Variants in GMDS observed in about 807,000 individuals in gnomAD.
GMDS encodes GDP-mannose 4,6-dehydratase.
In GMDS, 20 loss-of-function variants were observed where a neutral mutation model predicts 49.9. That is an observed-to-expected ratio of 0.40 (90% confidence interval 0.28 to 0.58). The LOEUF is 0.58. Among genes scored for constraint, GMDS ranks in the 20% least tolerant of loss-of-function variants. GMDS has a pLI of 0.42. For synonymous variants in GMDS, 177 were observed against 178.6 expected, an observed-to-expected ratio of 0.99 and a Z score of 0.07; for missense variants, 362 against 481.4, an observed-to-expected ratio of 0.75 and a Z score of 2.32.
intron 4 of GMDS, among the ~76,000 whole-genome samples, chr6:1,981,236 A>G (rs999994280): frequency 6.9e-6 from 1 of 145,122 alleles, no homozygotes; most frequent in African/African-American, 2.5e-5. Context: ...ACCTGCAAAA[A>G]AAAAAAATTC....
chr6:2,100,328 A>C (rs1773849632), intron 4 of GMDS, among the ~76,000 whole-genome samples: 1 of 152,074 alleles, frequency 6.6e-6, no homozygotes, highest in Non-Finnish European at 1.5e-5. Flanking sequence ...TTAACCCTAT[A>C]GTTATCTTTT....
At chr6:2,106,835 C>T (rs778289346) in intron 4 of GMDS, among the ~76,000 whole-genome samples, 9 of 149,866 alleles carry the variant, frequency 6.0e-5, no homozygotes, top group Non-Finnish European at 7.4e-5. Flanking sequence ...TGCACTCCAG[C>T]CTGGGCGACA....
At chr6:2,043,872 A>C (rs562291449) in intron 4 of GMDS, among the ~76,000 whole-genome samples, 10 of 152,158 alleles carry the variant, frequency 6.6e-5, no homozygotes, top group African/African-American at 2.2e-4. Context: ...GCAGAAAAAA[A>C]AACAACAACA....
chr6:2,026,446 T>C (rs563571631), intron 4 of GMDS, among the ~76,000 whole-genome samples: 23 of 152,302 alleles, frequency 1.5e-4, no homozygotes, highest in Admixed American at 9.8e-4. Context: ...ATCTTTGCAA[T>C]TTACACGAGA....
At position 2,087,995 on chromosome 6, in the gene GMDS, T is replaced by A. The variant is rs77170071; in HGVS notation, c.345+27776A>T. Reference sequence around the variant, plus strand: ...AAGGGCTGAAAGAGAAGCTTTTGACTTAACAATTAATTCAGCATTTACTTA... The same window carrying A: ...AAGGGCTGAAAGAGAAGCTTTTGACATAACAATTAATTCAGCATTTACTTA... On this transcript the variant is annotated intron_variant, in intron 4 of 10. Transcript: ENST00000380815. Among the ~76,000 whole-genome samples, 1,249 of 152,290 alleles carry A rather than the reference T, an allele frequency of 8.2e-3. 19 individuals are homozygous for A. Among genetic ancestry groups the A allele is most frequent in the African/African-American group, 0.029 (1,189 of 41,562 alleles).
intron 7 of GMDS, among the ~76,000 whole-genome samples, chr6:1,831,021 A>G (rs1290800369): frequency 1.3e-5 from 2 of 152,244 alleles, no homozygotes; most frequent in African/African-American, 4.8e-5. Flanking sequence ...CTTGTTTGCT[A>G]TATTTGGCCA....
At chr6:1,909,667 C>T (rs912752336) in intron 7 of GMDS, among the ~76,000 whole-genome samples, 3 of 152,164 alleles carry the variant, frequency 2.0e-5, no homozygotes, top group African/African-American at 7.2e-5. Context: ...TGAAGACTCT[C>T]CCTCTGGGGA....
At chr6:2,059,487 T>C (rs888874408) in intron 4 of GMDS, among the ~76,000 whole-genome samples, 13 of 150,100 alleles carry the variant, frequency 8.7e-5, no homozygotes, top group Admixed American at 6.0e-4. Context: ...GGCGGGTGGA[T>C]CACGAGGTCA....
chr6:1,760,119 C>T (rs560047589), intron 7 of GMDS, among the ~76,000 whole-genome samples: 5 of 152,184 alleles, frequency 3.3e-5, no homozygotes, highest in Admixed American at 2.0e-4. Flanking sequence ...AGGGAGCCCA[C>T]GAGGAGGGAG....
chr6:2,243,849 T>C (rs1400447082), intron 1 of GMDS, among the ~76,000 whole-genome samples: 4 of 97,076 alleles, frequency 4.1e-5, no homozygotes, highest in African/African-American at 2.1e-4. Context: ...CCTTCTTTTT[T>C]TTTTTTTTTT....
At chr6:2,099,617 A>G (rs1241511428) in intron 4 of GMDS, among the ~76,000 whole-genome samples, 3 of 152,090 alleles carry the variant, frequency 2.0e-5, no homozygotes. Context: ...TTTTCTCTAG[A>G]TAAGATATCC....
intron 7 of GMDS, among the ~76,000 whole-genome samples, chr6:1,915,462 G>A (rs1761330642): frequency 2.6e-5 from 4 of 152,226 alleles, no homozygotes; most frequent in Non-Finnish European, 4.4e-5. Context: ...GGGCCGGCAC[G>A]GTGCAGGGCC....
intron 7 of GMDS, among the ~76,000 whole-genome samples, chr6:1,781,329 G>A (rs1348668820): frequency 6.6e-6 from 1 of 152,190 alleles, no homozygotes; most frequent in Non-Finnish European, 1.5e-5. Flanking sequence ...GCTGCTGGTG[G>A]TCCTTGCCCA....
chr6:2,041,957 T>A (rs891117492), intron 4 of GMDS, among the ~76,000 whole-genome samples: 1 of 152,184 alleles, frequency 6.6e-6, no homozygotes, highest in African/African-American at 2.4e-5. Flanking sequence ...CCTATGCACA[T>A]GGACTGTGTA....
At chr6:2,133,398 T>C (rs1384076903) in intron 1 of GMDS, among the ~76,000 whole-genome samples, 2 of 152,222 alleles carry the variant, frequency 1.3e-5, no homozygotes, top group Non-Finnish European at 2.9e-5. Flanking sequence ...TACTGATGAC[T>C]ATATCTTTCC....
At chr6:2,033,256 A>T (rs1175107322) in intron 4 of GMDS, among the ~76,000 whole-genome samples, 1 of 152,204 alleles carries the variant, frequency 6.6e-6, no homozygotes. Context: ...AGACACCACA[A>T]ACCCAATCAT....
chr6:2,147,607 T>C lies in GMDS; in HGVS notation c.103-22876A>G, dbSNP rs1581712718. ...CTCTGCATCATTCCCAGATCATCAC[T>C]CTAGAGTCCCCTACATTTATCAATT... is the stretch of plus-strand genomic sequence containing the variant. On this transcript the variant is annotated intron_variant, in intron 1 of 10. Transcript: ENST00000380815. 2.6e-5 allele frequency among the ~76,000 whole-genome samples: 4 copies of C among 151,892 alleles called. No individual in the cohort carries two copies. The South Asian group carries it at 6.3e-4, about 24-fold the overall frequency.
chr6:1,712,194 G>C (rs1297163767), intron 9 of GMDS, among the ~76,000 whole-genome samples: 1 of 152,198 alleles, frequency 6.6e-6, no homozygotes, highest in Non-Finnish European at 1.5e-5. Flanking sequence ...CAGACTCTTG[G>C]TTTGAGGAAT....
chr6:1,719,186 T>C (rs985377457), intron 9 of GMDS, among the ~76,000 whole-genome samples: 1 of 152,118 alleles, frequency 6.6e-6, no homozygotes, highest in African/African-American at 2.4e-5. Context: ...CGGAAGCCCG[T>C]CAGTGGTGGA....
Sources: gnomAD v4.1 joint callset for allele counts (sites outside exome capture counted in the v4.1 genomes callset) on GRCh38, gnomAD v4.1.1 for gene constraint, MANE v1.5 for transcripts, NCBI Gene and HGNC (gene_info 2026-07-23, HGNC 2026-07-21) for gene names.